SPIDR: variants seen among roughly 807,000 people sequenced by gnomAD.
SPIDR encodes the protein scaffold protein involved in DNA repair.
In SPIDR, 93 loss-of-function variants were observed where a neutral mutation model predicts 104.6. The ratio of observed to expected loss-of-function variants is 0.89; its 90% CI spans 0.75 to 1.06. The LOEUF (loss-of-function observed/expected upper bound fraction) is 1.06. Among genes scored for constraint, SPIDR ranks in the 50% least tolerant of loss-of-function variants. SPIDR has a pLI of 0.00. For missense variants in SPIDR, 1,154 were observed against 1,111.2 expected (o/e 1.04, Z -0.55); for synonymous variants, 431 against 416.9 (o/e 1.03, Z -0.41).
intron 8 of SPIDR, among the ~76,000 whole-genome samples, chr8:47,543,050 G>A (rs1422332283): frequency 6.6e-6 from 1 of 152,168 alleles, no homozygotes; most frequent in Non-Finnish European, 1.5e-5. Flanking sequence ...GGACGTCCCT[G>A]GCATGGGGGT....
chr8:47,525,585 G>A (rs1273876455), intron 8 of SPIDR, among the ~76,000 whole-genome samples: 1 of 145,956 alleles, frequency 6.9e-6, no homozygotes, highest in East Asian at 2.1e-4. Context: ...CGGATCACCT[G>A]AGGTCAGGAG....
chr8:47,601,065 A>G (rs1402291466), intron 10 of SPIDR, among the ~76,000 whole-genome samples: 2 of 152,212 alleles, frequency 1.3e-5, no homozygotes, highest in African/African-American at 4.8e-5. Context: ...TGTGAGTTGC[A>G]TTGTGAATGC....
At chr8:47,315,079 A>G (rs923656492) in intron 5 of SPIDR, among the ~76,000 whole-genome samples, 1 of 152,206 alleles carries the variant, frequency 6.6e-6, no homozygotes, top group East Asian at 1.9e-4. Context: ...ATACATAGTA[A>G]TCATAAATTT....
intron 8 of SPIDR, among the ~76,000 whole-genome samples, chr8:47,570,831 G>A (rs1243305036): frequency 2.0e-5 from 3 of 152,120 alleles, no homozygotes; most frequent in Non-Finnish European, 4.4e-5. Context: ...GGTGGCTCAC[G>A]CCTATAATCC....
At chr8:47,408,226 CTTATCA>C (rs2063021990) in intron 7 of SPIDR, among the ~76,000 whole-genome samples, 1 of 152,022 alleles carries the variant, frequency 6.6e-6, no homozygotes, top group East Asian at 1.9e-4. Flanking sequence ...TTGTTCTATT[CTTATCA>C]TTAAGAGCAC....
At chr8:47,515,247 AGTGACC>A (rs2082938757) in intron 8 of SPIDR, among the ~76,000 whole-genome samples, 1 of 152,230 alleles carries the variant, frequency 6.6e-6, no homozygotes, top group Non-Finnish European at 1.5e-5. Context: ...TAAAGAAACC[AGTGACC>A]TATTTTGGTG....
chr8:47,687,429 TA>T (rs1199301650), intron 11 of SPIDR, among the ~76,000 whole-genome samples: 1 of 152,266 alleles, frequency 6.6e-6, no homozygotes, highest in Non-Finnish European at 1.5e-5. Flanking sequence ...CCTCTCCTGA[TA>T]GACATTCAGG....
At chr8:47,636,825 A>C (rs189871637) in intron 10 of SPIDR, among the ~76,000 whole-genome samples, 405 of 152,162 alleles carry the variant, frequency 2.7e-3, no homozygotes, top group Non-Finnish European at 4.4e-3. Flanking sequence ...CAAAAAAAAA[A>C]AAAAAAGAGA....
At chr8:47,560,594 G>C (rs2056942204) in intron 8 of SPIDR, among the ~76,000 whole-genome samples, 1 of 152,198 alleles carries the variant, frequency 6.6e-6, no homozygotes, top group Non-Finnish European at 1.5e-5. Context: ...GCTTTTACAT[G>C]TTCCCACAGA....
chr8:47,367,977 A>G (rs1554635835), intron 5 of SPIDR, among the ~76,000 whole-genome samples: 1 of 152,130 alleles, frequency 6.6e-6, no homozygotes, highest in Non-Finnish European at 1.5e-5. Context: ...AGTACCACAG[A>G]TCGAGTGGCG....
intron 8 of SPIDR, among the ~76,000 whole-genome samples, chr8:47,580,283 T>C (rs2171854): frequency 0.038 from 5,847 of 152,270 alleles, 390 homozygotes; most frequent in Admixed American, 0.15. Context: ...TGCTAAACAA[T>C]AGACAACAAC....
intron 8 of SPIDR, among the ~76,000 whole-genome samples, chr8:47,465,811 A>C (rs1554716575): frequency 6.6e-6 from 1 of 152,214 alleles, no homozygotes; most frequent in Non-Finnish European, 1.5e-5. Flanking sequence ...CCATAGGCTC[A>C]AAATAAAGGG....
intron 8 of SPIDR, among the ~76,000 whole-genome samples, chr8:47,537,449 T>C (rs2087113699): frequency 6.6e-6 from 1 of 152,058 alleles, no homozygotes; most frequent in African/African-American, 2.4e-5. Context: ...TATTGCTAAG[T>C]GAAAGAAACC....
chr8:47,526,359 C>T (rs1413806539), intron 8 of SPIDR, among the ~76,000 whole-genome samples: 1 of 152,142 alleles, frequency 6.6e-6, no homozygotes, highest in Non-Finnish European at 1.5e-5. Flanking sequence ...GAGCAGAGTC[C>T]TGCTACCTTA....
intron 5 of SPIDR, among the ~76,000 whole-genome samples, chr8:47,302,857 C>T (rs1554578609): frequency 6.6e-6 from 1 of 152,330 alleles, no homozygotes; most frequent in East Asian, 1.9e-4. Context: ...TCTGCCCCTA[C>T]TGGGGGGTCC....
intron 8 of SPIDR, among the ~76,000 whole-genome samples, chr8:47,490,886 A>AT (rs2078588399): frequency 6.6e-6 from 1 of 152,184 alleles, no homozygotes; most frequent in Non-Finnish European, 1.5e-5. Context: ...TATGAGATAT[A>AT]CCTAATGTAA....
chr8:47,468,009 G>A (rs1199530367), intron 8 of SPIDR, among the ~76,000 whole-genome samples: 5 of 152,108 alleles, frequency 3.3e-5, no homozygotes, highest in African/African-American at 1.2e-4. Flanking sequence ...CTTCAACAAA[G>A]TCTCAGGATG....
intron 5 of SPIDR, among the ~76,000 whole-genome samples, chr8:47,388,106 G>A: frequency 6.6e-6 from 1 of 152,136 alleles, no homozygotes; most frequent in East Asian, 1.9e-4. Flanking sequence ...CTAATCCTCT[G>A]AGACCCAGTA....
chr8:47,495,923 C>T (rs1011076475), intron 8 of SPIDR, among the ~76,000 whole-genome samples: 3 of 151,950 alleles, frequency 2.0e-5, no homozygotes, highest in Non-Finnish European at 2.9e-5. Flanking sequence ...TGTACCATCC[C>T]GTCAAGTGTT....
Sources: gnomAD v4.1 joint callset for allele counts (sites outside exome capture counted in the v4.1 genomes callset) on GRCh38, gnomAD v4.1.1 for gene constraint, MANE v1.5 for transcripts, NCBI Gene and HGNC (gene_info 2026-07-23, HGNC 2026-07-21) for gene names.